The following SREBF2 variants were observed in gnomAD, a reference collection of about 807,000 sequenced individuals.
SREBF2 encodes the protein sterol regulatory element-binding protein 2.
In SREBF2, 55 loss-of-function variants were observed where a neutral mutation model predicts 113.1. The ratio of observed to expected loss-of-function variants is 0.49; its 90% CI spans 0.39 to 0.61. The LOEUF is 0.61. SREBF2 is among the 20% of genes least tolerant of loss of function. SREBF2 has a pLI of 0.00. For missense variants in SREBF2, 1,349 were observed against 1,487.4 expected, an observed-to-expected ratio of 0.91 and a Z score of 1.53; for synonymous variants, 593 against 605.7, an observed-to-expected ratio of 0.98 and a Z score of 0.31.
chr22:41,875,903 G>A (rs554805523), intron 7 of SREBF2, among the ~76,000 whole-genome samples, 179 bp downstream of exon 7: 56 of 152,286 alleles, frequency 3.7e-4, no homozygotes, highest in African/African-American at 1.1e-3. Context: ...AACTGACTCC[G>A]GGGGGAAACA....
At chr22:41,897,906 G>C (rs1476438280) in intron 14 of SREBF2, among the ~76,000 whole-genome samples, 5 of 152,170 alleles carry the variant, frequency 3.3e-5, no homozygotes, top group Non-Finnish European at 5.9e-5. Flanking sequence ...GGCTGAGAGA[G>C]GAGAAGACTT....
intron 5 of SREBF2, 29 bp from the exon 6 acceptor site, chr22:41,875,308 A>G: frequency 2.5e-6 from 4 of 1,588,422 alleles, no homozygotes; most frequent in Non-Finnish European, 3.5e-6. Flanking sequence ...CACTGGTCTC[A>G]CTGTGTTTTC....
intron 17 of SREBF2, chr22:41,904,423 CTCTTCCTT>C: frequency 5.2e-6 from 2 of 381,006 alleles, no homozygotes; most frequent in Non-Finnish European, 5.2e-6. Context: ...CCTCTAGACT[CTCTTCCTT>C]TCTAAAGATA....
chr22:41,855,467 A>G (rs745794138), intron 1 of SREBF2, among the ~76,000 whole-genome samples: 14 of 152,168 alleles, frequency 9.2e-5, no homozygotes, highest in Non-Finnish European at 2.1e-4. Context: ...GGTTGCAGTG[A>G]GCCAAGATTG....
At chr22:41,893,864 T>C (rs1286880545) in intron 12 of SREBF2, among the ~76,000 whole-genome samples, 1 of 152,194 alleles carries the variant, frequency 6.6e-6, no homozygotes, top group Admixed American at 6.5e-5. Context: ...AGGATTGACT[T>C]AGACCTTGAG....
intron 11 of SREBF2, among the ~76,000 whole-genome samples, chr22:41,889,774 G>T (rs2077339352): frequency 6.6e-6 from 1 of 151,156 alleles, no homozygotes; most frequent in Non-Finnish European, 1.5e-5. Context: ...GCTGAGGCGG[G>T]TGGATCACCT....
At chr22:41,891,304 G>C (rs1045678709) in intron 11 of SREBF2, 1 of 152,080 alleles carries the variant, frequency 6.6e-6, no homozygotes, top group African/African-American at 2.4e-5. Flanking sequence ...GGGTCGCGAG[G>C]GTCCTCTACA....
chr22:41,846,072 T>TTG (rs2076874333), intron 1 of SREBF2, among the ~76,000 whole-genome samples: 1 of 152,204 alleles, frequency 6.6e-6, no homozygotes, highest in African/African-American at 2.4e-5. Context: ...TGTCTGGGTT[T>TTG]TGTGTAGACC....
At chr22:41,864,514 G>A (rs894964744) in intron 1 of SREBF2, among the ~76,000 whole-genome samples, 2 of 150,182 alleles carry the variant, frequency 1.3e-5, no homozygotes, top group African/African-American at 4.9e-5. Flanking sequence ...TAGAGACGGG[G>A]TTTCACCGTG....
intron 1 of SREBF2, among the ~76,000 whole-genome samples, chr22:41,855,250 C>G (rs527741764): frequency 6.6e-6 from 1 of 152,242 alleles, no homozygotes; most frequent in African/African-American, 2.4e-5. Flanking sequence ...GGGCCAGATT[C>G]CGTGGTTCAT....
chr22:41,892,202 G>C (rs1334189861), intron 11 of SREBF2, among the ~76,000 whole-genome samples: 1 of 152,216 alleles, frequency 6.6e-6, no homozygotes, highest in Non-Finnish European at 1.5e-5. Context: ...TGTCCTCCCA[G>C]CTGCCCCTTC....
chr22:41,843,253 G>T (rs1008418329), intron 1 of SREBF2, among the ~76,000 whole-genome samples: 1 of 152,170 alleles, frequency 6.6e-6, no homozygotes, highest in Non-Finnish European at 1.5e-5. Context: ...GACTGTTTCC[G>T]TAGTCACCTC....
chr22:41,837,872 AAAAG>A (rs530969305), intron 1 of SREBF2, among the ~76,000 whole-genome samples: 90 of 151,294 alleles, frequency 5.9e-4, no homozygotes, highest in African/African-American at 1.2e-3. Flanking sequence ...AAAAAAAAAA[AAAAG>A]AAAGAAAGAA....
chr22:41,839,887 A>G, intron 1 of SREBF2, among the ~76,000 whole-genome samples: 1 of 151,198 alleles, frequency 6.6e-6, no homozygotes, highest in Non-Finnish European at 1.5e-5. Flanking sequence ...TAGATCTTCT[A>G]CATTTTTTGT....
intron 1 of SREBF2, among the ~76,000 whole-genome samples, chr22:41,855,903 G>A (rs2076972926): frequency 6.6e-6 from 1 of 151,742 alleles, no homozygotes; most frequent in African/African-American, 2.4e-5. Flanking sequence ...CTACAGGCAT[G>A]TGCCACGAGG....
chr22:41,905,738 TG>T lies in SREBF2; in HGVS notation c.*82del. The T allele has an allele frequency of 6.9e-7, 1 of 1,451,480 alleles. No individual in the cohort carries two copies. Among genetic ancestry groups the T allele is most frequent in the Non-Finnish European group, 9.5e-7 (1 of 1,057,078 alleles). The allele number at this position is 1,451,480 out of a possible 1,614,324, so 89.9% of individuals were successfully genotyped here. On this transcript the variant is annotated 3_prime_UTR_variant, in exon 19 of 19. Transcript: ENST00000361204. ...CTCAGCATCTTCCCGCTGAGAGTGGTGGGGAAGAGCCTTGTCTTCTTAGCTG... is the reference window on the plus strand; with the variant it reads ...CTCAGCATCTTCCCGCTGAGAGTGGTGGGAAGAGCCTTGTCTTCTTAGCTG...
chr22:41,903,018 C>G lies in SREBF2; in HGVS notation c.2956C>G (p.Leu986Val). 1 of 1,611,386 alleles carries G rather than the reference C, an allele frequency of 6.2e-7. No homozygotes were observed. The highest frequency in any genetic ancestry group is 8.5e-7 in the Non-Finnish European group (1 of 1,179,132). ...CCTGCTACTGTCGCTACGGACAGCGCTCTGGCAAAAACAGGCCAGTGCCAG... is the reference window on the plus strand; with the variant it reads ...CCTGCTACTGTCGCTACGGACAGCGGTCTGGCAAAAACAGGCCAGTGCCAG... ...CDLLLSLRTALWQKQASASQA... is the reference protein window; with the variant it reads ...CDLLLSLRTAVWQKQASASQA... Residue 986 changes from leucine (L) to valine (V), a missense_variant, in exon 17 of 19, where the codon CTC becomes GTC. Transcript: ENST00000361204.
intron 1 of SREBF2, among the ~76,000 whole-genome samples, chr22:41,851,990 G>A (rs1209116035): frequency 1.3e-5 from 2 of 152,082 alleles, no homozygotes; most frequent in East Asian, 2.0e-4. Context: ...GCATGGTAGC[G>A]GATGCCTGTA....
Position 41,844,065 on chromosome 22 carries a change from C to CACACACACACACAT in SREBF2, c.88+10707_88+10708insACACACACACACAT, listed in dbSNP as rs369136150. On this transcript the variant is annotated intron_variant, in intron 1 of 18. Transcript: ENST00000361204. ...ACACACACACACACACACACACACA[C>CACACACACACACAT]GTATATGTATATATATTTTTTAAAT... 7.5e-3 allele frequency among the ~76,000 whole-genome samples: 1,090 copies of CACACACACACACAT among 145,936 alleles called. 7 individuals carry two copies. Among genetic ancestry groups the CACACACACACACAT allele is most frequent in the Middle Eastern group, 0.022 (6 of 276 alleles).
Sources: allele counts gnomAD v4.1 joint callset (sites outside exome capture counted in the v4.1 genomes callset), GRCh38; gene constraint gnomAD v4.1.1; transcripts MANE v1.5; gene names NCBI Gene and HGNC (gene_info 2026-07-23, HGNC 2026-07-21).